NXPE4: variants seen among roughly 807,000 people sequenced by gnomAD.
NXPE4 encodes neurexophilin and PC-esterase domain family member 4, also known as NXPE family member 4.
In NXPE4, 42 loss-of-function variants were observed where a neutral mutation model predicts 33.3. The ratio of observed to expected loss-of-function variants is 1.26; its 90% CI spans 0.98 to 1.63. NXPE4 has a LOEUF of 1.63. NXPE4 is among the 40% of genes most tolerant of loss of function. The pLI is 0.00. For synonymous variants in NXPE4, 253 were observed against 234.9 expected (o/e 1.08, Z -0.71); for missense variants, 709 against 647.6 (o/e 1.09, Z -1.03).
chr11:114,653,353 A>G, the NXPE4 span, among the ~76,000 whole-genome samples: 2 of 152,154 alleles, frequency 1.3e-5, no homozygotes, highest in African/African-American at 2.4e-5. Context: ...TATTGTCCCT[A>G]TAAGCTCAAC....
the NXPE4 span, among the ~76,000 whole-genome samples, chr11:114,604,493 A>C: frequency 1.3e-5 from 2 of 152,154 alleles, no homozygotes; most frequent in South Asian, 4.1e-4. Flanking sequence ...GTGGATAATA[A>C]GTGTTGCCTC....
the NXPE4 span, among the ~76,000 whole-genome samples, chr11:114,631,281 C>G: frequency 6.6e-6 from 1 of 151,662 alleles, no homozygotes; most frequent in Non-Finnish European, 1.5e-5. Flanking sequence ...CCAAAATGTC[C>G]AACAATGATA....
the NXPE4 span, among the ~76,000 whole-genome samples, chr11:114,647,005 C>G: frequency 1.3e-5 from 2 of 152,188 alleles, no homozygotes; most frequent in Non-Finnish European, 2.9e-5. Flanking sequence ...GAGACACTGA[C>G]GGCACACCTT....
rs763909088 is a variant in NXPE4 at position 114,571,275 on chromosome 11, A to G, written c.1298T>C (p.Ile433Thr). 7.6e-5 allele frequency: 123 copies of G among 1,613,906 alleles called. No individual in the cohort carries two copies. Among genetic ancestry groups the G allele is most frequent in the Non-Finnish European group, 9.6e-5 (113 of 1,179,958 alleles). Residue 433 changes from isoleucine (I) to threonine (T), a missense_variant, in exon 6 of 6, where the codon ATT becomes ACT. Physicochemically the swap from Ile to Thr is moderately conservative, Grantham distance 89 (BLOSUM62 -1). Transcript: ENST00000375478. ...GGGTCTGAAATGCTGGCCCAGGGAA[A>G]TAACAATGACAGTATTTTTTTCTCC... ...TGGEKNTVIVISLGQHFRPFP... is the reference protein window; with the variant it reads ...TGGEKNTVIVTSLGQHFRPFP...
chr11:114,647,239 T>A, the NXPE4 span, among the ~76,000 whole-genome samples: 6 of 152,232 alleles, frequency 3.9e-5, no homozygotes, highest in Non-Finnish European at 8.8e-5. Flanking sequence ...AATGTCTCAC[T>A]TAAGATTTTG....
chr11:114,674,114 C>T, the NXPE4 span, among the ~76,000 whole-genome samples: 1 of 106,916 alleles, frequency 9.4e-6, no homozygotes, highest in Non-Finnish European at 2.1e-5. Context: ...AACAAACAAA[C>T]AAACAAACAA....
the NXPE4 span, among the ~76,000 whole-genome samples, chr11:114,633,824 A>G: frequency 8.2e-3 from 1,253 of 152,082 alleles, 10 homozygotes; most frequent in African/African-American, 0.027. Context: ...ATAGTATTCC[A>G]TGGTGTATAT....
the NXPE4 span, among the ~76,000 whole-genome samples, chr11:114,664,285 G>T: frequency 6.6e-6 from 1 of 152,036 alleles, no homozygotes; most frequent in Non-Finnish European, 1.5e-5. Flanking sequence ...TTCTGGAAAA[G>T]GCAAAACCAT....
the NXPE4 span, among the ~76,000 whole-genome samples, chr11:114,640,204 A>G: frequency 1.5e-5 from 2 of 136,600 alleles, no homozygotes; most frequent in South Asian, 4.5e-4. Context: ...TATATATATT[A>G]TATTTTAAAA....
chr11:114,667,227 C>T, the NXPE4 span, among the ~76,000 whole-genome samples: 1 of 152,060 alleles, frequency 6.6e-6, no homozygotes, highest in African/African-American at 2.4e-5. Context: ...TCTTTCTGAA[C>T]TTTTTAAATT....
intron 5 of NXPE4, among the ~76,000 whole-genome samples, chr11:114,577,919 G>A (rs1949051652): frequency 6.6e-6 from 1 of 152,082 alleles, no homozygotes; most frequent in African/African-American, 2.4e-5. Context: ...CTAGTCATTT[G>A]TGGAACCCTT....
At position 114,581,712 on chromosome 11, in the gene NXPE4, C is replaced by T; in HGVS notation, c.892+13G>A. Reference sequence around the variant, plus strand: ...AGAACTAGGCACCACCCACCAAACACAGGAGTACTTACTGTTGCATTTGGA... The same window carrying T: ...AGAACTAGGCACCACCCACCAAACATAGGAGTACTTACTGTTGCATTTGGA... On this transcript the variant is annotated intron_variant, in intron 4 of 5. Transcript: ENST00000375478. The T allele has an allele frequency of 5.0e-6, 8 of 1,606,040 alleles. No individual in the cohort carries two copies. The highest frequency in any genetic ancestry group is 6.8e-6 in the Non-Finnish European group (8 of 1,173,572).
At chr11:114,600,498 TATAACTTCAATGTAATTATGA>T (rs1949624989), upstream of NXPE4, among the ~76,000 whole-genome samples, 1 of 152,142 alleles carries the variant, frequency 6.6e-6, no homozygotes, top group African/African-American at 2.4e-5. Context: ...GAAAGCAATG[TATAACTTCAATGTAATTATGA>T]GAAAATTTTG....
chr11:114,601,959 T>C, the NXPE4 span, among the ~76,000 whole-genome samples: 1 of 82,208 alleles, frequency 1.2e-5, no homozygotes, highest in Non-Finnish European at 2.1e-5. Flanking sequence ...TATATAATAT[T>C]ATATATTATA....
At chr11:114,583,327 A>T in intron 2 of NXPE4, 2 of 623,918 alleles carry the variant, frequency 3.2e-6, no homozygotes, top group South Asian at 1.6e-5. Flanking sequence ...ACTATTATGG[A>T]CAAGCCCACC....
At chr11:114,633,318 T>C in the NXPE4 span, among the ~76,000 whole-genome samples, 5 of 140,070 alleles carry the variant, frequency 3.6e-5, 1 homozygote, top group Non-Finnish European at 7.6e-5. Flanking sequence ...TATATAATTA[T>C]ATTATGTGGT....
At chr11:114,628,062 T>A in the NXPE4 span, among the ~76,000 whole-genome samples, 35 of 149,744 alleles carry the variant, frequency 2.3e-4, no homozygotes, top group South Asian at 5.4e-3. Context: ...CTCCCACACG[T>A]TAATAATGGG....
At chr11:114,647,201 CCTT>C in the NXPE4 span, among the ~76,000 whole-genome samples, 1 of 152,192 alleles carries the variant, frequency 6.6e-6, no homozygotes, top group Admixed American at 6.5e-5. Context: ...ATATTATTCA[CCTT>C]CTACATTCGT....
chr11:114,668,114 AT>A, the NXPE4 span, among the ~76,000 whole-genome samples: 2 of 151,950 alleles, frequency 1.3e-5, no homozygotes, highest in Non-Finnish European at 2.9e-5. Context: ...CTCTTGATAG[AT>A]GGATAGTGTG....
Sources: allele counts gnomAD v4.1 joint callset (sites outside exome capture counted in the v4.1 genomes callset), GRCh38; gene constraint gnomAD v4.1.1; transcripts MANE v1.5; gene names NCBI Gene and HGNC (gene_info 2026-07-23, HGNC 2026-07-21).